GFOD2: variants seen among roughly 807,000 people sequenced by gnomAD.
The protein encoded by GFOD2 is Gfo/Idh/MocA-like oxidoreductase domain containing 2.
GFOD2 carries 9 observed loss-of-function variants against 24.6 expected under a neutral mutation model. The ratio of observed to expected loss-of-function variants is 0.37; its 90% CI spans 0.22 to 0.64. The LOEUF is 0.64. Among genes scored for constraint, GFOD2 ranks in the 30% least tolerant of loss-of-function variants. The probability of loss-of-function intolerance (pLI) is 0.65; values close to 1 mark genes in which losing one functional copy is unlikely to be tolerated. For missense variants in GFOD2, 476 were observed against 532.5 expected (o/e 0.89, Z 1.04); for synonymous variants, 211 against 224.8 (o/e 0.94, Z 0.55).
intron 1 of GFOD2, among the ~76,000 whole-genome samples, chr16:67,702,906 G>C (rs999418133): frequency 6.6e-6 from 1 of 151,982 alleles, no homozygotes; most frequent in African/African-American, 2.4e-5. Context: ...CCAGTAGCCA[G>C]GATTACAGTA....
intron 1 of GFOD2, among the ~76,000 whole-genome samples, chr16:67,706,273 G>C (rs1362835460): frequency 2.0e-5 from 3 of 152,058 alleles, no homozygotes; most frequent in Admixed American, 2.0e-4. Flanking sequence ...CACTGCGCCT[G>C]GCCTGACCAT....
Position 67,674,898 on chromosome 16 carries a change from C to T in GFOD2, c.*257G>A. On this transcript the variant is annotated 3_prime_UTR_variant, in exon 3 of 3. Transcript: ENST00000268797. ...AGCCTTTCCTGGTCCGACTCACTGGCATCACCATGAGGAGGCCTGGCGGCA... is the reference window on the plus strand; with the variant it reads ...AGCCTTTCCTGGTCCGACTCACTGGTATCACCATGAGGAGGCCTGGCGGCA... The T allele has an allele frequency of 2.1e-6, 1 of 481,942 alleles. No homozygotes were observed. The highest frequency in any genetic ancestry group is 3.4e-5 in the East Asian group (1 of 29,554). The allele number at this position is 481,942 out of a possible 1,614,324, so 29.9% of individuals were successfully genotyped here. A position where few individuals can be genotyped will look rare whatever the true frequency, so the allele number is the denominator to read the frequency against.
chr16:67,676,136 T>C, intron 2 of GFOD2, 83 bp from the exon 3 acceptor site: 1 of 1,359,538 alleles, frequency 7.4e-7, no homozygotes, highest in Non-Finnish European at 9.9e-7. Flanking sequence ...ATTTTGGACT[T>C]CTCTGCCTTA....
Position 67,675,855 on chromosome 16 carries a change from T to C in GFOD2, c.458A>G (p.Tyr153Cys). 4 of 1,614,012 alleles carry C rather than the reference T, an allele frequency of 2.5e-6. No homozygotes were observed. In the South Asian group the frequency reaches 3.3e-5, roughly 13 times the overall value. The change falls in exon 3 of 3, where the codon TAC becomes TGC. Residue 153 changes from tyrosine (Y) to cysteine (C), a missense_variant. Coordinates refer to ENST00000268797, the MANE Select transcript of GFOD2 (RefSeq NM_030819.4). ...GCTGGGGCTCAGCAGGCTGCCTGAG[T>C]AGATGCGGGCATCACAGATCATCAC... ...GAVMICDARI[Y>C]SGSLLSPSYG...
intron 1 of GFOD2, among the ~76,000 whole-genome samples, chr16:67,695,910 T>G (rs544678058): frequency 1.3e-5 from 2 of 152,294 alleles, no homozygotes; most frequent in South Asian, 4.1e-4. Context: ...TTCTCTAAAT[T>G]CATGCCCAGG....
intron 1 of GFOD2, among the ~76,000 whole-genome samples, chr16:67,693,024 T>C (rs1165610977): frequency 6.6e-6 from 1 of 151,684 alleles, no homozygotes; most frequent in Non-Finnish European, 1.5e-5. Flanking sequence ...ATTGAGACTC[T>C]GTCTCAAAAA....
At chr16:67,712,000 T>C (rs566532464) in intron 1 of GFOD2, among the ~76,000 whole-genome samples, 119 of 152,314 alleles carry the variant, frequency 7.8e-4, no homozygotes, top group Non-Finnish European at 1.4e-3. Flanking sequence ...TGCTAGAATG[T>C]ATCCTCCTTG....
chr16:67,713,282 C>A (rs2053488333), intron 1 of GFOD2, among the ~76,000 whole-genome samples: 1 of 152,148 alleles, frequency 6.6e-6, no homozygotes, highest in Non-Finnish European at 1.5e-5. Context: ...TGTTTTTCCT[C>A]TGCTTTCACA....
intron 2 of GFOD2, chr16:67,681,407 T>C (rs548652851): frequency 1.0e-6 from 1 of 985,282 alleles, no homozygotes; most frequent in African/African-American, 1.7e-5. Flanking sequence ...CCTCTCTTCT[T>C]GAATCTGAAA....
intron 1 of GFOD2, among the ~76,000 whole-genome samples, chr16:67,702,262 T>C (rs903062878): frequency 6.6e-6 from 1 of 152,026 alleles, no homozygotes; most frequent in Non-Finnish European, 1.5e-5. Context: ...GGCAGGCGGA[T>C]TGCTTGAGGC....
intron 1 of GFOD2, among the ~76,000 whole-genome samples, chr16:67,708,709 G>T (rs1386533846): frequency 6.6e-6 from 1 of 151,900 alleles, no homozygotes; most frequent in Non-Finnish European, 1.5e-5. Context: ...GTGCCTCAAG[G>T]GCCACTCACC....
chr16:67,675,726 T>C lies in GFOD2; in HGVS notation c.587A>G (p.Lys196Arg), dbSNP rs1458391011. ...LTHLTGRRAE[K>R]VHGLLKTFVR... Reference sequence around the variant, plus strand: ...GAATGTCTTGAGCAGCCCGTGCACCTTCTCGGCTCTCCGGCCGGTCAGGTG... The same window carrying C: ...GAATGTCTTGAGCAGCCCGTGCACCCTCTCGGCTCTCCGGCCGGTCAGGTG... The change falls in exon 3 of 3, where the codon AAG (lysine) becomes AGG (arginine). Residue 196 changes from lysine (K) to arginine (R), a missense_variant. Coordinates refer to ENST00000268797, the MANE Select transcript of GFOD2 (RefSeq NM_030819.4). 2.5e-6 allele frequency: 4 copies of C among 1,614,128 alleles called. No individual in the cohort carries two copies. The South Asian group carries it at 3.3e-5, about 13-fold the overall frequency.
In GFOD2 at chr16:67,675,671, G is replaced by C; in HGVS notation, c.642C>G (p.Ile214Met). The C allele has an allele frequency of 1.2e-6, 2 of 1,613,620 alleles. No homozygotes were observed. Among genetic ancestry groups the C allele is most frequent in the Non-Finnish European group, 1.7e-6 (2 of 1,180,050 alleles). The change falls in exon 3 of 3, where the codon ATC becomes ATG. Residue 214 changes from isoleucine (I) to methionine (M), a missense_variant. Transcript: ENST00000268797. Reference protein sequence around the residue: ...FVRQNAAIRGIRHVTSDDFCF... With the variant: ...FVRQNAAIRGMRHVTSDDFCF... Reference sequence around the variant, plus strand: ...AGAAGTCATCGCTAGTGACGTGCCGGATGCCACGGATGGCAGCGTTCTGCC... The same window carrying C: ...AGAAGTCATCGCTAGTGACGTGCCGCATGCCACGGATGGCAGCGTTCTGCC...
chr16:67,684,967 T>C, intron 2 of GFOD2: 1 of 1,006,426 alleles, frequency 9.9e-7, no homozygotes, highest in South Asian at 4.3e-5. Context: ...AGAGCCTTCC[T>C]GTCCTCCGGC....
intron 1 of GFOD2, among the ~76,000 whole-genome samples, chr16:67,713,801 C>T (rs2053491308): frequency 6.6e-6 from 1 of 152,076 alleles, no homozygotes; most frequent in Non-Finnish European, 1.5e-5. Context: ...GTCCCACTCT[C>T]CTCCCCAGAG....
chr16:67,685,210 C>T, intron 2 of GFOD2: 1 of 1,417,274 alleles, frequency 7.1e-7, no homozygotes, highest in African/African-American at 1.4e-5. Context: ...ATCTCCAGCC[C>T]CTTGATGGCT....
chr16:67,701,944 A>G (rs1433146610), intron 1 of GFOD2, among the ~76,000 whole-genome samples: 1 of 152,122 alleles, frequency 6.6e-6, no homozygotes, highest in Non-Finnish European at 1.5e-5. Context: ...CCTGAACATC[A>G]TCTTACCTTC....
chr16:67,681,663 G>T, intron 2 of GFOD2: 1 of 925,890 alleles, frequency 1.1e-6, no homozygotes, highest in Non-Finnish European at 1.3e-6. Flanking sequence ...GCCCACCTTG[G>T]CCTCCCAAAG....
At chr16:67,705,775 C>A (rs1263185444) in intron 1 of GFOD2, among the ~76,000 whole-genome samples, 1 of 151,482 alleles carries the variant, frequency 6.6e-6, no homozygotes, top group Non-Finnish European at 1.5e-5. Context: ...TCCGTCTCTA[C>A]TAAAAATACA....
Sources: allele counts gnomAD v4.1 joint callset (sites outside exome capture counted in the v4.1 genomes callset), GRCh38; gene constraint gnomAD v4.1.1; transcripts MANE v1.5; gene names NCBI Gene and HGNC (gene_info 2026-07-23, HGNC 2026-07-21).